Variants in CNPY1 observed in about 807,000 individuals in gnomAD.
The protein encoded by CNPY1 is canopy FGF signaling regulator 1.
Under a neutral mutation model 14.4 loss-of-function variants are expected in CNPY1, and 14 were observed. The ratio of observed to expected loss-of-function variants is 0.97; its 90% CI spans 0.64 to 1.52. The LOEUF is 1.52. CNPY1 is among the 40% of genes most tolerant of loss of function. The pLI is 0.00. For synonymous variants in CNPY1, 43 were observed against 46.5 expected (o/e 0.92, Z 0.31); for missense variants, 129 against 131.5 (o/e 0.98, Z 0.09).
At chr7:155,515,293 C>CG (rs1796595945) in intron 2 of CNPY1, among the ~76,000 whole-genome samples, 2 of 48,194 alleles carry the variant, frequency 4.1e-5, no homozygotes, top group East Asian at 1.1e-3. Flanking sequence ...GTCTCAAGGC[C>CG]GCCCCCCCCC....
chr7:155,533,512 G>T (rs1233005762), intron 2 of CNPY1, among the ~76,000 whole-genome samples: 1 of 152,186 alleles, frequency 6.6e-6, no homozygotes, highest in African/African-American at 2.4e-5. Context: ...TCCGGCCCGC[G>T]CAGAGCGGGG....
chr7:155,533,705 T>G (rs1796983337), intron 2 of CNPY1: 1 of 152,198 alleles, frequency 6.6e-6, no homozygotes, highest in Non-Finnish European at 1.5e-5. Flanking sequence ...GCAATAGCTA[T>G]GGGATTAAGG....
intron 2 of CNPY1, among the ~76,000 whole-genome samples, chr7:155,521,293 A>G (rs1195109611): frequency 6.6e-6 from 1 of 152,238 alleles, no homozygotes; most frequent in Non-Finnish European, 1.5e-5. Context: ...AAGGACTGAC[A>G]TGAACAAAAA....
intron 2 of CNPY1, among the ~76,000 whole-genome samples, chr7:155,541,136 C>T (rs990276966): frequency 1.3e-4 from 20 of 152,302 alleles, no homozygotes; most frequent in African/African-American, 4.6e-4. Flanking sequence ...CCAACAGCCC[C>T]AGGCCAAGGA....
intron 2 of CNPY1, among the ~76,000 whole-genome samples, chr7:155,511,532 G>T (rs1796531713): frequency 6.6e-6 from 1 of 152,168 alleles, no homozygotes; most frequent in Non-Finnish European, 1.5e-5. Flanking sequence ...TTTTGAAAGT[G>T]TAATTTGACA....
chr7:155,520,664 A>G (rs1010614380), intron 2 of CNPY1, among the ~76,000 whole-genome samples: 13 of 151,708 alleles, frequency 8.6e-5, no homozygotes, highest in African/African-American at 3.1e-4. Flanking sequence ...GATGTGAGAT[A>G]ATTTTGTTCC....
At chr7:155,521,290 G>A (rs935976675) in intron 2 of CNPY1, among the ~76,000 whole-genome samples, 9 of 152,320 alleles carry the variant, frequency 5.9e-5, no homozygotes, top group Middle Eastern at 3.4e-3. Context: ...GCGAAGGACT[G>A]ACATGAACAA....
chr7:155,544,454 G>A (rs1193295338), intron 2 of CNPY1, among the ~76,000 whole-genome samples: 1 of 152,218 alleles, frequency 6.6e-6, no homozygotes, highest in Non-Finnish European at 1.5e-5. Flanking sequence ...CACTAATGAT[G>A]TGTCTGATAG....
intron 2 of CNPY1, among the ~76,000 whole-genome samples, chr7:155,509,353 A>G (rs538467252): frequency 6.6e-6 from 1 of 152,374 alleles, no homozygotes; most frequent in South Asian, 2.1e-4. Flanking sequence ...AAAAAAATAC[A>G]TTCAAACTAG....
intron 2 of CNPY1, among the ~76,000 whole-genome samples, chr7:155,533,218 C>T (rs555777584): frequency 3.9e-5 from 6 of 152,326 alleles, no homozygotes; most frequent in African/African-American, 1.4e-4. Flanking sequence ...AAACCCACTC[C>T]GCGCCCGACG....
intron 4 of CNPY1, 39 bp from the exon 5 acceptor site, chr7:155,503,144 T>G: frequency 6.6e-7 from 1 of 1,507,924 alleles, no homozygotes; most frequent in Admixed American, 1.7e-5. Context: ...TCATTATCAC[T>G]TTAGACTCCA....
intron 2 of CNPY1, among the ~76,000 whole-genome samples, chr7:155,525,541 A>G (rs1796803560): frequency 6.7e-6 from 1 of 150,286 alleles, no homozygotes; most frequent in African/African-American, 2.4e-5. Flanking sequence ...TGATCAGAAC[A>G]TTGCGCTTCT....
chr7:155,525,391 A>C (rs1796801434), intron 2 of CNPY1, among the ~76,000 whole-genome samples: 1 of 150,206 alleles, frequency 6.7e-6, no homozygotes, highest in South Asian at 2.1e-4. Flanking sequence ...CTGGTCTCAA[A>C]CTCCTGACCT....
intron 2 of CNPY1, among the ~76,000 whole-genome samples, chr7:155,535,564 C>G (rs1797013853): frequency 6.6e-6 from 1 of 152,204 alleles, no homozygotes; most frequent in South Asian, 2.1e-4. Flanking sequence ...CGGGAATGAA[C>G]AGAGCACATA....
intron 2 of CNPY1, among the ~76,000 whole-genome samples, chr7:155,533,476 C>T (rs779037790): frequency 5.6e-4 from 85 of 152,210 alleles, no homozygotes; most frequent in Non-Finnish European, 1.1e-3. Flanking sequence ...GCAGGGCGCG[C>T]CTCAGAATGA....
chr7:155,532,836 C>G (rs1293820152), intron 2 of CNPY1, among the ~76,000 whole-genome samples: 3 of 152,020 alleles, frequency 2.0e-5, no homozygotes, highest in Non-Finnish European at 2.9e-5. Flanking sequence ...ACACACAGAC[C>G]GAACTTGTGT....
At chr7:155,509,990 G>C (rs987259451) in intron 2 of CNPY1, among the ~76,000 whole-genome samples, 4 of 152,148 alleles carry the variant, frequency 2.6e-5, no homozygotes, top group Non-Finnish European at 5.9e-5. Flanking sequence ...CGCCAAGGGC[G>C]CCGGACCGCG....
chr7:155,502,740 C>T lies in CNPY1; in HGVS notation c.*328G>A, dbSNP rs894102261. The T allele has an allele frequency of 6.3e-6, 2 of 317,170 alleles. No homozygotes were observed. Among genetic ancestry groups the T allele is most frequent in the Admixed American group, 8.8e-5 (2 of 22,608 alleles). 19.6% of individuals were successfully genotyped at this position (317,170 alleles called of 1,614,324 possible). On this transcript the variant is annotated 3_prime_UTR_variant, in exon 5 of 5. Coordinates refer to ENST00000636446, the MANE Select transcript of CNPY1 (RefSeq NM_001393663.1). ...ACACTGTTATAAAATAAGCAGCATA[C>T]ATTATGAAATCCCTATTTTGTTTAT...
At chr7:155,535,387 T>C (rs181402681) in intron 2 of CNPY1, among the ~76,000 whole-genome samples, 1 of 152,288 alleles carries the variant, frequency 6.6e-6, no homozygotes, top group Non-Finnish European at 1.5e-5. Flanking sequence ...GCATTTCAAC[T>C]GCAGATGAAT....
Sources: allele counts gnomAD v4.1 joint callset (sites outside exome capture counted in the v4.1 genomes callset), GRCh38; gene constraint gnomAD v4.1.1; transcripts MANE v1.5; gene names NCBI Gene and HGNC (gene_info 2026-07-23, HGNC 2026-07-21).